ORC3: variants seen among roughly 807,000 people sequenced by gnomAD.
The protein encoded by ORC3 is homolog of latheo, Drosophila.
ORC3 carries 78 observed loss-of-function variants against 100.7 expected under a neutral mutation model. The ratio of observed to expected loss-of-function variants is 0.77; its 90% CI spans 0.65 to 0.94. ORC3 has a LOEUF of 0.94. ORC3 is among the 40% of genes least tolerant of loss of function. The pLI is 0.00. For missense variants in ORC3, 789 were observed against 823.9 expected (o/e 0.96, Z 0.52); for synonymous variants, 295 against 289.3 (o/e 1.02, Z -0.20).
chr6:87,606,677 A>G (rs1363059632), intron 5 of ORC3, among the ~76,000 whole-genome samples: 2 of 152,110 alleles, frequency 1.3e-5, no homozygotes, highest in Admixed American at 6.6e-5. Context: ...CTACAGGTGC[A>G]TGCCATTACG....
At chr6:87,619,006 A>G (rs1416699040) in intron 9 of ORC3, among the ~76,000 whole-genome samples, 5 of 152,212 alleles carry the variant, frequency 3.3e-5, no homozygotes, top group Non-Finnish European at 5.9e-5. Context: ...TGGACTGGAA[A>G]TAGATATTTA....
intron 2 of ORC3, 98 bp downstream of exon 2, chr6:87,594,505 CT>C: frequency 7.1e-7 from 1 of 1,403,542 alleles, no homozygotes. Context: ...CTAACCTTGG[CT>C]TACTTGCCAT....
intron 1 of ORC3, among the ~76,000 whole-genome samples, chr6:87,591,644 A>G (rs62417698): frequency 0.026 from 4,003 of 152,344 alleles, 80 homozygotes; most frequent in Middle Eastern, 0.054. Context: ...TATTATAACA[A>G]ATGTCTGTAT....
At chr6:87,650,133 T>TGCAG (rs1436339975) in intron 13 of ORC3, among the ~76,000 whole-genome samples, 1 of 150,326 alleles carries the variant, frequency 6.7e-6, no homozygotes, top group African/African-American at 2.5e-5. Context: ...CACGGCTCAC[T>TGCAG]GCAGCCTTGA....
chr6:87,677,618 C>T, the ORC3 span, among the ~76,000 whole-genome samples: 1 of 152,180 alleles, frequency 6.6e-6, no homozygotes, highest in African/African-American at 2.4e-5. Context: ...CTGATCTACA[C>T]GGCTAGCCAA....
chr6:87,612,765 G>A (rs116403348), intron 8 of ORC3, among the ~76,000 whole-genome samples: 301 of 152,064 alleles, frequency 2.0e-3, no homozygotes, highest in African/African-American at 7.0e-3. Context: ...GAGGTGTGCC[G>A]CCACGCCTGG....
chr6:87,642,864 T>C (rs1199075867), intron 13 of ORC3, among the ~76,000 whole-genome samples: 1 of 151,298 alleles, frequency 6.6e-6, no homozygotes, highest in African/African-American at 2.4e-5. Flanking sequence ...ATCGCACCAC[T>C]GCACTCCAGC....
intron 11 of ORC3, among the ~76,000 whole-genome samples, chr6:87,622,689 G>A (rs1462900223): frequency 2.0e-5 from 3 of 152,042 alleles, no homozygotes; most frequent in Admixed American, 6.6e-5. Flanking sequence ...GATACAGCCA[G>A]TGTTACTAGT....
the ORC3 span, among the ~76,000 whole-genome samples, chr6:87,673,154 ATTTTTTT>A: frequency 3.3e-4 from 22 of 65,868 alleles, no homozygotes; most frequent in African/African-American, 1.3e-3. Context: ...AAAAAAAAAA[ATTTTTTT>A]TTTTTTTTTT....
intron 13 of ORC3, among the ~76,000 whole-genome samples, chr6:87,642,765 G>T (rs1456126395): frequency 3.3e-5 from 5 of 150,436 alleles, no homozygotes; most frequent in Admixed American, 1.3e-4. Flanking sequence ...AGCCGGGTGT[G>T]GTGGCAGACG....
At chr6:87,601,543 G>A (rs9450759) in intron 2 of ORC3, among the ~76,000 whole-genome samples, 60,559 of 151,502 alleles carry the variant, frequency 0.4, 12,172 homozygotes, top group Admixed American at 0.48. Flanking sequence ...GGTGGCACGT[G>A]CCTGTAGTCA....
chr6:87,615,237 A>C (rs1779076668), intron 8 of ORC3, among the ~76,000 whole-genome samples: 1 of 152,152 alleles, frequency 6.6e-6, no homozygotes, highest in South Asian at 2.1e-4. Flanking sequence ...TGTCATGAGA[A>C]CAGCATGGGA....
chr6:87,634,265 A>G (rs748428221), intron 11 of ORC3, among the ~76,000 whole-genome samples: 1 of 152,194 alleles, frequency 6.6e-6, no homozygotes, highest in Non-Finnish European at 1.5e-5. Context: ...TGGTGAAGCA[A>G]ATAAAACCAG....
chr6:87,671,685 T>C (rs1465239060), downstream of ORC3, among the ~76,000 whole-genome samples: 3 of 151,978 alleles, frequency 2.0e-5, no homozygotes, highest in Non-Finnish European at 4.4e-5. Context: ...TCAAAGCAAG[T>C]GTAGTATTTT....
rs528378380 is a variant in ORC3 at position 87,628,983 on chromosome 6, A to G, written c.1186-5862A>G. On this transcript the variant is annotated intron_variant, in intron 11 of 19. Coordinates refer to ENST00000392844, the MANE Select transcript of ORC3 (RefSeq NM_012381.4). ...TCATTTAAATTCAAACTCTTTGTCA[A>G]GTGCTTCTCTTGATCTATACTGCTG... Among the ~76,000 whole-genome samples, 5 of 152,362 alleles carry G rather than the reference A, an allele frequency of 3.3e-5. No homozygotes were observed. In the East Asian group the frequency reaches 9.6e-4, roughly 29 times the overall value.
At chr6:87,612,768 A>T (rs145597362) in intron 8 of ORC3, among the ~76,000 whole-genome samples, 9 of 152,236 alleles carry the variant, frequency 5.9e-5, no homozygotes, top group Non-Finnish European at 1.2e-4. Context: ...GTGTGCCGCC[A>T]CGCCTGGCTA....
intron 13 of ORC3, among the ~76,000 whole-genome samples, chr6:87,650,556 GA>G (rs562177365): frequency 6.6e-6 from 1 of 152,004 alleles, no homozygotes; most frequent in African/African-American, 2.4e-5. Flanking sequence ...AATTTTACTG[GA>G]AAAAAAATTT....
chr6:87,622,125 A>T, intron 11 of ORC3, 112 bp downstream of exon 11: 1 of 673,444 alleles, frequency 1.5e-6, no homozygotes, highest in Non-Finnish European at 2.5e-6. Context: ...TAATATTTAT[A>T]CAGTGAAGTA....
chr6:87,653,593 G>T (rs1769443121), intron 14 of ORC3, among the ~76,000 whole-genome samples: 1 of 152,172 alleles, frequency 6.6e-6, no homozygotes, highest in African/African-American at 2.4e-5. Flanking sequence ...CTTTTTAGAG[G>T]TTTTTTCTTA....
Sources: gnomAD v4.1 joint callset for allele counts (sites outside exome capture counted in the v4.1 genomes callset) on GRCh38, gnomAD v4.1.1 for gene constraint, MANE v1.5 for transcripts, NCBI Gene and HGNC (gene_info 2026-07-23, HGNC 2026-07-21) for gene names.